Variants in ADRA1B observed in about 807,000 individuals in gnomAD.
ADRA1B encodes the protein alpha-1B adrenergic receptor.
A neutral mutation model predicts 17.9 loss-of-function variants in ADRA1B; 17 were observed. That is an observed-to-expected ratio of 0.95 (90% CI 0.65 to 1.42). ADRA1B has a LOEUF of 1.42. ADRA1B is among the 40% of genes most tolerant of loss of function. ADRA1B has a pLI of 0.00. For synonymous variants in ADRA1B, 366 were observed against 327.6 expected (o/e 1.12, Z -1.27); for missense variants, 681 against 722.1 (o/e 0.94, Z 0.65).
intron 1 of ADRA1B, among the ~76,000 whole-genome samples, chr5:159,894,566 A>G (rs1754022475): frequency 6.6e-6 from 1 of 152,258 alleles, no homozygotes; most frequent in South Asian, 2.1e-4. Context: ...TGTATCAAAA[A>G]TAAACTGATG....
intron 1 of ADRA1B, chr5:159,888,369 A>T (rs573872772): frequency 6.6e-6 from 1 of 152,298 alleles, no homozygotes. Flanking sequence ...TGAATAGTGC[A>T]TACGAGTTCC....
At chr5:159,960,336 T>C (rs1287353183) in intron 1 of ADRA1B, among the ~76,000 whole-genome samples, 1 of 152,198 alleles carries the variant, frequency 6.6e-6, no homozygotes, top group African/African-American at 2.4e-5. Flanking sequence ...GAATAGGTCT[T>C]ATATTCTAAC....
intron 1 of ADRA1B, among the ~76,000 whole-genome samples, chr5:159,893,606 T>G (rs899760491): frequency 1.3e-5 from 2 of 152,216 alleles, no homozygotes; most frequent in African/African-American, 4.8e-5. Context: ...TCAAGAAAGA[T>G]GCAATTCTTT....
At chr5:159,967,343 T>G (rs990382738) in intron 1 of ADRA1B, among the ~76,000 whole-genome samples, 2 of 152,202 alleles carry the variant, frequency 1.3e-5, no homozygotes, top group Non-Finnish European at 2.9e-5. Context: ...TCTGCTTGTA[T>G]GAATTCTATG....
rs1180527985 is a variant in ADRA1B, at chr5:159,951,117, G to A, written c.950-20762G>A. ...TGGTTCATGCCCATCACGAACATGGGGGCATCAGCAGAGGGGGCAGAGATG... is the reference window on the plus strand; with the variant it reads ...TGGTTCATGCCCATCACGAACATGGAGGCATCAGCAGAGGGGGCAGAGATG... On this transcript the variant is annotated intron_variant, in intron 1 of 1. Coordinates refer to ENST00000306675, the MANE Select transcript of ADRA1B (RefSeq NM_000679.4). 8 of 743,954 alleles carry A rather than the reference G, an allele frequency of 1.1e-5. No individual in the cohort carries two copies. In the Admixed American group the frequency reaches 1.2e-4, roughly 11 times the overall value. The allele number at this position is 743,954 out of a possible 1,614,324, so 46.1% of individuals were successfully genotyped here.
chr5:159,895,311 C>T (rs1290287579), intron 1 of ADRA1B, among the ~76,000 whole-genome samples: 1 of 152,230 alleles, frequency 6.6e-6, no homozygotes, highest in Non-Finnish European at 1.5e-5. Flanking sequence ...TTCCAAGGAT[C>T]TTGTCTTTAT....
At chr5:159,951,912 T>A (rs1755448767) in intron 1 of ADRA1B, among the ~76,000 whole-genome samples, 1 of 152,206 alleles carries the variant, frequency 6.6e-6, no homozygotes, top group Non-Finnish European at 1.5e-5. Flanking sequence ...ATGGAAGGAT[T>A]TGTGAGTTAG....
intron 1 of ADRA1B, among the ~76,000 whole-genome samples, chr5:159,939,322 T>TGC (rs542707574): frequency 5.6e-4 from 60 of 107,656 alleles, no homozygotes; most frequent in Middle Eastern, 5.0e-3. Context: ...TGTGTGTGTG[T>TGC]GCGCGCGCGC....
intron 1 of ADRA1B, among the ~76,000 whole-genome samples, chr5:159,919,315 G>T (rs1418052097): frequency 6.6e-6 from 1 of 152,176 alleles, no homozygotes; most frequent in Non-Finnish European, 1.5e-5. Flanking sequence ...GGGTTCTTTT[G>T]CAGGCTTGTT....
chr5:159,931,536 G>A (rs1428478627), intron 1 of ADRA1B, among the ~76,000 whole-genome samples: 1 of 151,972 alleles, frequency 6.6e-6, no homozygotes, highest in East Asian at 1.9e-4. Context: ...CTCTTTCTTG[G>A]TAGCAAAAGG....
intron 1 of ADRA1B, among the ~76,000 whole-genome samples, chr5:159,910,196 A>C (rs1754214745): frequency 6.6e-6 from 1 of 152,238 alleles, no homozygotes; most frequent in Admixed American, 6.5e-5. Context: ...AACACAGACT[A>C]TATACAGTTC....
chr5:159,881,321 CTCTCTCT>C lies in ADRA1B; in HGVS notation c.-256+16116_-256+16122del, dbSNP rs1163245516. On this transcript the variant is annotated intron_variant, in intron 1 of 2. Coordinates refer to the ADRA1B transcript ENST00000641205. ...AAGTTCTCTCTCTCTCTCTCTCTCT[CTCTCTCT>C]CTCTCTCTCTCTCTCTCTGCCCTTT... 5.3e-5 allele frequency among the ~76,000 whole-genome samples: 8 copies of C among 151,754 alleles called. No individual in the cohort carries two copies. In the South Asian group the frequency reaches 1.5e-3, roughly 28 times the overall value.
intron 1 of ADRA1B, chr5:159,887,967 G>A (rs1427417800): frequency 5.3e-5 from 8 of 152,108 alleles, no homozygotes; most frequent in Admixed American, 2.0e-4. Context: ...TCCATATTGG[G>A]CTTTCAAATA....
At chr5:159,876,380 AAGAG>A (rs1382354670) in intron 1 of ADRA1B, among the ~76,000 whole-genome samples, 1 of 152,164 alleles carries the variant, frequency 6.6e-6, no homozygotes, top group African/African-American at 2.4e-5. Context: ...CAAAAGAAGA[AAGAG>A]AGAGAATGGG....
intron 1 of ADRA1B, among the ~76,000 whole-genome samples, chr5:159,900,328 A>G (rs1376176014): frequency 6.6e-6 from 1 of 152,244 alleles, no homozygotes; most frequent in Non-Finnish European, 1.5e-5. Context: ...AGAAGCATTG[A>G]CATCCTTACA....
chr5:159,919,756 G>A (rs1409203270), intron 1 of ADRA1B, among the ~76,000 whole-genome samples: 3 of 152,236 alleles, frequency 2.0e-5, no homozygotes, highest in Non-Finnish European at 4.4e-5. Context: ...TGCTCAGGAA[G>A]GAGAAGGCCT....
intron 1 of ADRA1B, among the ~76,000 whole-genome samples, chr5:159,879,857 G>C (rs111930647): frequency 6.6e-6 from 1 of 152,046 alleles, no homozygotes; most frequent in Non-Finnish European, 1.5e-5. Flanking sequence ...TTAGCTGGGC[G>C]TGGTGGCGGG....
chr5:159,879,202 T>A (rs140086823), intron 1 of ADRA1B, among the ~76,000 whole-genome samples: 18 of 152,188 alleles, frequency 1.2e-4, no homozygotes, highest in African/African-American at 4.3e-4. Flanking sequence ...TTGTTTGGGG[T>A]TGGGAGGATT....
chr5:159,887,085 G>A (rs957533989), intron 1 of ADRA1B, among the ~76,000 whole-genome samples: 5 of 152,250 alleles, frequency 3.3e-5, no homozygotes, highest in African/African-American at 1.2e-4. Context: ...CAAGACAGGT[G>A]TCAGACTCAT....
Sources: allele counts gnomAD v4.1 joint callset (sites outside exome capture counted in the v4.1 genomes callset), GRCh38; gene constraint gnomAD v4.1.1; transcripts MANE v1.5; gene names NCBI Gene and HGNC (gene_info 2026-07-23, HGNC 2026-07-21).